The following PCDHA2 variants were observed in gnomAD, a reference collection of about 807,000 sequenced individuals.
PCDHA2 encodes protocadherin alpha-2.
Under a neutral mutation model 66.0 loss-of-function variants are expected in PCDHA2, and 58 were observed. That is an observed-to-expected ratio of 0.88 (90% CI 0.71 to 1.09). The LOEUF (loss-of-function observed/expected upper bound fraction) is 1.09, where lower values mean the gene tolerates loss of function less well. Among genes scored for constraint, PCDHA2 ranks in the 50% least tolerant of loss-of-function variants. The pLI, the probability that PCDHA2 is intolerant of heterozygous loss-of-function variation, is 0.00. For missense variants in PCDHA2, 1,267 were observed against 1,242.3 expected, an observed-to-expected ratio of 1.02 and a Z score of -0.30; for synonymous variants, 634 against 554.0, an observed-to-expected ratio of 1.14 and a Z score of -2.03.
chr5:140,915,615 A>C (rs948306385), intron 1 of PCDHA2, among the ~76,000 whole-genome samples: 5 of 142,332 alleles, frequency 3.5e-5, no homozygotes, highest in Admixed American at 7.1e-5. Flanking sequence ...TCTGTCAAAC[A>C]GTCTCTTTCT....
chr5:140,994,747 G>A (rs2097648455), intron 3 of PCDHA2, among the ~76,000 whole-genome samples: 1 of 152,152 alleles, frequency 6.6e-6, no homozygotes, highest in Non-Finnish European at 1.5e-5. Context: ...ATGGCAAGTA[G>A]GATGTGGAGA....
At chr5:140,829,843 A>T in intron 1 of PCDHA2, 1 of 1,613,926 alleles carries the variant, frequency 6.2e-7, no homozygotes, top group Non-Finnish European at 8.5e-7. Flanking sequence ...TGCCGCGGTC[A>T]CTGGGTGCAG....
Position 140,857,574 on chromosome 5 carries a change from T to G in PCDHA2, c.2388+60222T>G, listed in dbSNP as rs1452756689. On this transcript the variant is annotated intron_variant, in intron 1 of 3. Coordinates refer to ENST00000526136, the MANE Select transcript of PCDHA2 (RefSeq NM_018905.3). ...CGCTCGCTGTCGAGCTACGTGTCGGTGCACGCGGAGAGCGGCAAGGTGTAC... is the reference window on the plus strand; with the variant it reads ...CGCTCGCTGTCGAGCTACGTGTCGGGGCACGCGGAGAGCGGCAAGGTGTAC... 26 of 1,596,616 alleles carry G rather than the reference T, an allele frequency of 1.6e-5. 3 individuals carry two copies. Among genetic ancestry groups the G allele is most frequent in the Non-Finnish European group, 2.1e-5 (25 of 1,167,676 alleles).
At chr5:140,876,945 C>T (rs1405794987) in intron 1 of PCDHA2, 2 of 1,613,474 alleles carry the variant, frequency 1.2e-6, no homozygotes, top group East Asian at 2.2e-5. Flanking sequence ...CGCTGGTGTC[C>T]TACTCGCTGG....
chr5:140,840,708 C>T (rs1776833354), intron 1 of PCDHA2, among the ~76,000 whole-genome samples: 1 of 151,964 alleles, frequency 6.6e-6, no homozygotes, highest in African/African-American at 2.4e-5. Flanking sequence ...GGCAATTTGA[C>T]ATTTATTGAA....
chr5:140,800,345 T>C (rs1173690584), intron 1 of PCDHA2, among the ~76,000 whole-genome samples: 1 of 152,064 alleles, frequency 6.6e-6, no homozygotes, highest in Admixed American at 6.5e-5. Context: ...AGGCTATAGT[T>C]CTTGAAAAAG....
intron 1 of PCDHA2, among the ~76,000 whole-genome samples, chr5:140,959,868 C>A (rs532801353): frequency 8.5e-5 from 13 of 152,248 alleles, no homozygotes; most frequent in African/African-American, 2.9e-4. Flanking sequence ...GTAGCAAAAT[C>A]TGTCAAGGAA....
chr5:140,925,822 T>C (rs1554202964), intron 1 of PCDHA2, among the ~76,000 whole-genome samples: 1 of 152,156 alleles, frequency 6.6e-6, no homozygotes, highest in African/African-American at 2.4e-5. Flanking sequence ...ACGTCTTCTT[T>C]GGGGACGGGT....
At chr5:140,854,296 G>T in intron 1 of PCDHA2, 4 of 437,926 alleles carry the variant, frequency 9.1e-6, no homozygotes, top group Non-Finnish European at 1.2e-5. Context: ...TTATTATTTT[G>T]TGCGTGGAGA....
At chr5:140,941,797 A>G (rs1425454318) in intron 1 of PCDHA2, among the ~76,000 whole-genome samples, 1 of 152,224 alleles carries the variant, frequency 6.6e-6, no homozygotes, top group African/African-American at 2.4e-5. Flanking sequence ...AAGAATATTT[A>G]GTTGATTTCA....
Position 140,858,384 on chromosome 5 carries a change from T to C in PCDHA2, c.2388+61032T>C, listed in dbSNP as rs782413045. 1.8e-5 allele frequency: 29 copies of C among 1,582,610 alleles called. 1 individual carries two copies. The East Asian group carries it at 3.6e-4, about 20-fold the overall frequency. ...AGCCCCAGCCTTCCACCATGCCCAA[T>C]GGTAGATGTGGACGGGGAAGATCAG... On this transcript the variant is annotated intron_variant, in intron 1 of 3. Coordinates refer to ENST00000526136, the MANE Select transcript of PCDHA2 (RefSeq NM_018905.3).
intron 1 of PCDHA2, chr5:140,870,796 C>A (rs1581985922): frequency 6.2e-7 from 1 of 1,613,576 alleles, no homozygotes; most frequent in South Asian, 1.1e-5. Context: ...GCCGGCACTG[C>A]TGGCGACTCA....
At position 140,795,752 on chromosome 5, in the gene PCDHA2, A is replaced by G; in HGVS notation, c.788A>G (p.Lys263Arg). Residue 263 changes from lysine to arginine, a missense_variant, in exon 1 of 4, where the codon AAG becomes AGG. Lys to Arg is a conservative substitution (Grantham distance 26, BLOSUM62 2). Transcript: ENST00000526136. ...ACGGCAAATGGGACCTTAGTGGTTA[A>G]GTTAAACGCTTCTGATGCAGATGAA... ...ENTANGTLVV[K>R]LNASDADEGP... 6.2e-7 allele frequency: 1 copy of G among 1,614,100 alleles called. No homozygotes were observed. Among genetic ancestry groups the G allele is most frequent in the Non-Finnish European group, 8.5e-7 (1 of 1,180,016 alleles).
At chr5:140,835,766 G>A in intron 1 of PCDHA2, 2 of 1,613,386 alleles carry the variant, frequency 1.2e-6, no homozygotes, top group Non-Finnish European at 1.7e-6. Context: ...CCGAGTATAC[G>A]GTGTTCGTGA....
At chr5:140,871,497 G>T in intron 1 of PCDHA2, 1 of 1,586,946 alleles carries the variant, frequency 6.3e-7, no homozygotes, top group East Asian at 2.3e-5. Context: ...CCGGACAGGT[G>T]AGTTTTCTAC....
chr5:140,841,068 A>G (rs1247313079), intron 1 of PCDHA2: 1 of 487,112 alleles, frequency 2.1e-6, no homozygotes, highest in African/African-American at 1.9e-5. Flanking sequence ...TATGATAAAG[A>G]AATAGAAAGT....
chr5:140,871,506 A>G, intron 1 of PCDHA2: 11 of 1,580,864 alleles, frequency 7.0e-6, no homozygotes, highest in Non-Finnish European at 8.6e-6. Flanking sequence ...TGAGTTTTCT[A>G]CAGATTCCAC....
chr5:140,829,028 G>T (rs2150162015), intron 1 of PCDHA2: 1 of 1,613,544 alleles, frequency 6.2e-7, no homozygotes, highest in South Asian at 1.1e-5. Flanking sequence ...TTTTGAACAA[G>T]AAAACTTATA....
intron 3 of PCDHA2, among the ~76,000 whole-genome samples, chr5:140,988,509 TA>T (rs2097301045): frequency 6.6e-6 from 1 of 152,170 alleles, no homozygotes; most frequent in Non-Finnish European, 1.5e-5. Flanking sequence ...CCATGAAGCT[TA>T]CTTAAGTCTC....
Sources: allele counts gnomAD v4.1 joint callset (sites outside exome capture counted in the v4.1 genomes callset), GRCh38; gene constraint gnomAD v4.1.1; transcripts MANE v1.5; gene names NCBI Gene and HGNC (gene_info 2026-07-23, HGNC 2026-07-21).